The following SAMD11 variants were observed in gnomAD, a reference collection of about 807,000 sequenced individuals.
SAMD11 encodes the protein sterile alpha motif domain-containing protein 11.
A neutral mutation model predicts 64.4 loss-of-function variants in SAMD11; 77 were observed. The observed-to-expected ratio is 1.20, with a 90% CI of 0.99 to 1.44. The LOEUF (loss-of-function observed/expected upper bound fraction) is 1.44, where lower values mean the gene tolerates loss of function less well. Among genes scored for constraint, SAMD11 ranks in the 40% most tolerant of loss-of-function variants. The pLI is 0.00. For missense variants in SAMD11, 1,402 were observed against 943.3 expected (o/e 1.49, Z -6.37); for synonymous variants, 658 against 421.9 (o/e 1.56, Z -6.86).
At chr1:936,261 G>A (rs917400167) in intron 5 of SAMD11, among the ~76,000 whole-genome samples, 5 of 150,858 alleles carry the variant, frequency 3.3e-5, no homozygotes, top group African/African-American at 7.4e-5. Context: ...GCTCCTGGAC[G>A]GAAGGGGTCC....
rs1640798593 is a variant in SAMD11, at chr1:924,772, C to A, written c.341C>A (p.Pro114Gln). The A allele has an allele frequency of 2.0e-5, 3 of 152,300 alleles. No individual in the cohort carries two copies. Among genetic ancestry groups the A allele is most frequent in the South Asian group, 4.1e-4 (2 of 4,828 alleles). 9.4% of individuals were successfully genotyped at this position (152,300 alleles called of 1,614,324 possible). A position where few individuals can be genotyped will look rare whatever the true frequency, so the allele number is the denominator to read the frequency against. Residue 114 changes from proline to glutamine, a missense_variant, in exon 1 of 14, where the codon CCG (proline) becomes CAG (glutamine). Transcript: ENST00000616016. ...CAGCCGCTGCTGGACAACGGCGAGC[C>A]GTGCATCGAGGTGGAGTGCGGCGCC... ...DFQPLLDNGE[P>Q]CIEVECGANR...
rs1300405366 is a variant in SAMD11 at position 939,403 on chromosome 1, C to T, written c.1186C>T (p.Pro396Ser). ...TCAGCGCCTCTACCACCTGGGCCTC[C>T]CCAGCCACGGTGAGGACCCACCCTG... ...DPQRLYHLGL[P>S]SHDLLRVRQE... Residue 396 changes from proline to serine, a missense_variant, in exon 7 of 14, where the codon CCC becomes TCC. Physicochemically the swap from Pro to Ser is moderately conservative, Grantham distance 74 (BLOSUM62 -1). Transcript: ENST00000616016. 1.4e-6 allele frequency: 2 copies of T among 1,441,968 alleles called. No individual in the cohort carries two copies. The highest frequency in any genetic ancestry group is 1.9e-6 in the Non-Finnish European group (2 of 1,044,444). The allele number at this position is 1,441,968 out of a possible 1,614,324, so 89.3% of individuals were successfully genotyped here.
In SAMD11 at chr1:935,825, T is replaced by A; in HGVS notation, c.896T>A (p.Leu299His). 6.2e-7 allele frequency: 1 copy of A among 1,613,344 alleles called. No homozygotes were observed. Among genetic ancestry groups the A allele is most frequent in the South Asian group, 1.1e-5 (1 of 91,074 alleles). The stretch of plus-strand genomic sequence containing the variant: ...TCCAGCGTCCACCGCAGCCGCCACC[T>A]CGTTATGCCCGAGCATCAGAGCCGC... ...LISSVHRSRH[L>H]VMPEHQSRCE... The change falls in exon 5 of 14, where the codon CTC (leucine) becomes CAC (histidine). Residue 299 changes from leucine to histidine, a missense_variant. Coordinates refer to ENST00000616016, the MANE Select transcript of SAMD11 (RefSeq NM_001385641.1).
rs746970674 is a variant in SAMD11 at position 943,687 on chromosome 1, C to T, written c.2179-11C>T. On this transcript the variant is annotated splice_polypyrimidine_tract_variant and intron_variant, in intron 12 of 13. Coordinates refer to ENST00000616016, the MANE Select transcript of SAMD11 (RefSeq NM_001385641.1). The stretch of plus-strand genomic sequence containing the variant: ...ACCCGGGTCCTGACCCTCCCTCCCT[C>T]CCCCTTCCAGGTCTTCAGGGAGCAG... 12 of 1,552,092 alleles carry T rather than the reference C, an allele frequency of 7.7e-6. No individual in the cohort carries two copies. The East Asian group carries it at 1.8e-4, about 24-fold the overall frequency.
Position 943,987 on chromosome 1 carries a change from C to T in SAMD11, c.2369C>T (p.Ala790Val), listed in dbSNP as rs369313181. ...ALPLQPPTLR[A>V]PERELGTGEQ... is the part of the protein sequence containing the mutation. Reference sequence around the variant, plus strand: ...CCACTGCAGCCACCAACCCTGCGGGCCCCGGAGCGAGAACTCGGCACAGGA... The same window carrying T: ...CCACTGCAGCCACCAACCCTGCGGGTCCCGGAGCGAGAACTCGGCACAGGA... Residue 790 changes from alanine to valine, a missense_variant, in exon 14 of 14, where the codon GCC becomes GTC. Transcript: ENST00000616016. 5.1e-5 allele frequency: 83 copies of T among 1,612,714 alleles called. No homozygotes were observed. Among genetic ancestry groups the T allele is most frequent in the Non-Finnish European group, 6.9e-5 (81 of 1,179,990 alleles).
chr1:927,135 C>T lies in SAMD11; in HGVS notation c.609+1122C>T, dbSNP rs114199821. Among the ~76,000 whole-genome samples, 1,475 of 152,298 alleles carry T rather than the reference C, an allele frequency of 9.7e-3. 29 individuals carry two copies. The highest frequency in any genetic ancestry group is 0.034 in the African/African-American group (1,423 of 41,558). Reference sequence around the variant, plus strand: ...CACCTGACACACAATCCGACATGGACCTGCACGCACAGGCAGGCAGCTCAC... The same window carrying T: ...CACCTGACACACAATCCGACATGGATCTGCACGCACAGGCAGGCAGCTCAC... On this transcript the variant is annotated intron_variant, in intron 2 of 13. Coordinates refer to ENST00000616016, the MANE Select transcript of SAMD11 (RefSeq NM_001385641.1).
Position 933,362 on chromosome 1 carries a change from C to T in SAMD11, c.842+2273C>T, listed in dbSNP as rs558047494. ...CAAACTCCAAGGCAGAGACCAGGGG[C>T]GGGGAGGGCAGGTGGCACCCAGCTC... On this transcript the variant is annotated intron_variant, in intron 4 of 13. Coordinates refer to ENST00000616016, the MANE Select transcript of SAMD11 (RefSeq NM_001385641.1). Among the ~76,000 whole-genome samples the T allele has an allele frequency of 5.3e-5, 8 of 152,282 alleles. No homozygotes were observed. In the East Asian group the frequency reaches 1.2e-3, roughly 22 times the overall value.
In SAMD11 at chr1:942,203, C is replaced by G. The variant is rs538838892; in HGVS notation, c.1426C>G (p.Leu476Val). 1.5e-6 allele frequency: 2 copies of G among 1,370,126 alleles called. No homozygotes were observed. Among genetic ancestry groups the G allele is most frequent in the Non-Finnish European group, 1.9e-6 (2 of 1,057,284 alleles). 84.9% of individuals were successfully genotyped at this position (1,370,126 alleles called of 1,614,324 possible). The part of the protein sequence containing the change: ...NAPHVALGPH[L>V]RPPFLGVPSA... The stretch of plus-strand genomic sequence containing the variant: ...CCCTCACGTCGCCCTGGGCCCCCAT[C>G]TCAGGCCCCCCTTCCTGGGGGTGCC... The change falls in exon 9 of 14, where the codon CTC (leucine) becomes GTC (valine). Residue 476 changes from leucine (L) to valine (V), a missense_variant. Leu to Val is a conservative substitution (Grantham distance 32). Coordinates refer to ENST00000616016, the MANE Select transcript of SAMD11 (RefSeq NM_001385641.1).
intron 12 of SAMD11, 74 bp from the exon 13 acceptor site, chr1:943,624 G>A (rs547002202): frequency 2.1e-6 from 3 of 1,408,346 alleles, no homozygotes. Flanking sequence ...TGCACAAACA[G>A]CTCCTCTTGG....
chr1:935,927 TCGGGGCTGTGGGGCCAGAGGACGGTGG>T (rs1641409793), intron 5 of SAMD11, 31 bp downstream of exon 5: 1 of 1,604,506 alleles, frequency 6.2e-7, no homozygotes, highest in Non-Finnish European at 8.5e-7. Context: ...GAGGGCGGGG[TCGGGGCTGTGGGGCCAGAGGACGGTGG>T]CGTCTCCACT....
intron 1 of SAMD11, among the ~76,000 whole-genome samples, chr1:925,382 G>A (rs1167138784): frequency 1.4e-5 from 2 of 141,224 alleles, no homozygotes; most frequent in South Asian, 2.3e-4. Flanking sequence ...GAGCCCGAGC[G>A]GCGGCGCCAG....
intron 12 of SAMD11, 85 bp downstream of exon 12, chr1:943,462 A>G (rs1641939781): frequency 1.7e-6 from 2 of 1,207,386 alleles, no homozygotes; most frequent in East Asian, 2.4e-5. Context: ...GGGTAGGGCC[A>G]TTCCCCAACG....
At chr1:925,873 G>GC in intron 1 of SAMD11, 49 bp from the exon 2 acceptor site, 1 of 1,393,550 alleles carries the variant, frequency 7.2e-7, no homozygotes, top group Non-Finnish European at 1.0e-6. Flanking sequence ...CTGACTGCGC[G>GC]CAGAAGCGTG....
Position 930,284 on chromosome 1 carries a change from C to A in SAMD11, c.739C>A (p.Arg247=). 2 of 1,608,550 alleles carry A rather than the reference C, an allele frequency of 1.2e-6. No homozygotes were observed. Among genetic ancestry groups the A allele is most frequent in the Non-Finnish European group, 8.5e-7 (1 of 1,177,948 alleles). The change falls in exon 3 of 14, where the codon CGG becomes AGG. Residue 247 remains arginine (R), a synonymous_variant. Transcript: ENST00000616016. The part of the protein sequence containing the change: ...SDGSGPTCGR[R]PGLKQEDGPH... The stretch of plus-strand genomic sequence containing the variant: ...CGGGAGTGGCCCCACCTGTGGGCGG[C>A]GGCCAGGCTTGAAGCAGGAGGATGG...
At position 944,020 on chromosome 1, in the gene SAMD11, C is replaced by T. The variant is rs377435523; in HGVS notation, c.2402C>T (p.Pro801Leu). 32 of 1,612,768 alleles carry T rather than the reference C, an allele frequency of 2.0e-5. 2 individuals carry two copies. The Middle Eastern group carries it at 3.9e-3, about 199-fold the overall frequency. Residue 801 changes from proline (P) to leucine (L), a missense_variant, in exon 14 of 14, where the codon CCC becomes CTC. Transcript: ENST00000616016. ...CGAGAACTCGGCACAGGAGAGCAGCCCTTGTCCCCCACGACGGCCACGTCC... is the reference window on the plus strand; with the variant it reads ...CGAGAACTCGGCACAGGAGAGCAGCTCTTGTCCCCCACGACGGCCACGTCC... The part of the protein sequence containing the change: ...PERELGTGEQ[P>L]LSPTTATSPY...
chr1:943,267 C>T lies in SAMD11; in HGVS notation c.2068C>T (p.Leu690Phe), dbSNP rs1350670813. ...CCACAACTCAGGCGCGGTAGGGGGA[C>T]TCTCCATGGATGGGGAGGAGGCCCC... ...PYFHTGAVGG[L>F]SMDGEEAPAP... Residue 690 changes from leucine to phenylalanine, a missense_variant, in exon 12 of 14, where the codon CTC becomes TTC. Physicochemically the swap from Leu to Phe is conservative, Grantham distance 22. Transcript: ENST00000616016. 3.1e-6 allele frequency: 5 copies of T among 1,612,776 alleles called. No homozygotes were observed. The Admixed American group carries it at 5.0e-5, about 16-fold the overall frequency.
intron 4 of SAMD11, among the ~76,000 whole-genome samples, chr1:932,386 G>A (rs1641207783): frequency 6.6e-6 from 1 of 152,190 alleles, no homozygotes; most frequent in Non-Finnish European, 1.5e-5. Flanking sequence ...CCTAGGAAGA[G>A]GCCAGGTCTT....
rs972967218 is a variant in SAMD11 at position 925,923 on chromosome 1, G to A, written c.519G>A (p.Gly173=). 1 of 1,609,902 alleles carries A rather than the reference G, an allele frequency of 6.2e-7. No individual in the cohort carries two copies. Among genetic ancestry groups the A allele is most frequent in the Non-Finnish European group, 8.5e-7 (1 of 1,178,726 alleles). The change falls in exon 2 of 14, where the codon GGG becomes GGA. Residue 173 remains glycine, a splice_region_variant and synonymous_variant. Coordinates refer to ENST00000616016, the MANE Select transcript of SAMD11 (RefSeq NM_001385641.1). The stretch of plus-strand genomic sequence containing the variant: ...GGTCTGCCTCGGCTCTGCTCGCAGG[G>A]AAAAGTCTGAAGACGCTTATGTCCA... ...KDWKRSIRHK[G]KSLKTLMSKG... is the part of the protein sequence containing the mutation.
intron 5 of SAMD11, among the ~76,000 whole-genome samples, chr1:936,489 G>A (rs1261539577): frequency 1.3e-5 from 2 of 152,138 alleles, no homozygotes; most frequent in African/African-American, 2.4e-5. Flanking sequence ...GAAGGGATCC[G>A]GCGCCTGAGG....
Sources: allele counts gnomAD v4.1 joint callset (sites outside exome capture counted in the v4.1 genomes callset), GRCh38; gene constraint gnomAD v4.1.1; transcripts MANE v1.5; gene names NCBI Gene and HGNC (gene_info 2026-07-23, HGNC 2026-07-21).